The following CNTNAP2 variants were observed in gnomAD, a reference collection of about 807,000 sequenced individuals.
The protein encoded by CNTNAP2 is contactin associated protein 2, also known as contactin-associated protein-like 2.
In CNTNAP2, 98 loss-of-function variants were observed where a neutral mutation model predicts 155.2. The ratio of observed to expected loss-of-function variants is 0.63; its 90% CI spans 0.54 to 0.75. The LOEUF (loss-of-function observed/expected upper bound fraction) is 0.75, where lower values mean the gene tolerates loss of function less well. Among genes scored for constraint, CNTNAP2 ranks in the 30% least tolerant of loss-of-function variants. The probability of loss-of-function intolerance (pLI) is 0.00; values close to 1 mark genes in which losing one functional copy is unlikely to be tolerated. For missense variants in CNTNAP2, 1,727 were observed against 1,688.1 expected (o/e 1.02, Z -0.40); for synonymous variants, 651 against 631.2 (o/e 1.03, Z -0.47).
chr7:147,305,860 G>C lies in CNTNAP2; in HGVS notation c.1498+5570G>C, dbSNP rs1332658281. On this transcript the variant is annotated intron_variant, in intron 9 of 23. Coordinates refer to ENST00000361727, the MANE Select transcript of CNTNAP2 (RefSeq NM_014141.6). ...GATCCTGAGGTGTCTGAAGGCCCCA[G>C]GGGAGGATCCTTCAACTCCTCTGGC... Among the ~76,000 whole-genome samples the C allele has an allele frequency of 2.0e-5, 3 of 152,250 alleles. No individual in the cohort carries two copies. In the South Asian group the frequency reaches 6.2e-4, roughly 32 times the overall value.
intron 22 of CNTNAP2, among the ~76,000 whole-genome samples, chr7:148,395,097 T>C (rs1279052161): frequency 6.6e-6 from 1 of 151,874 alleles, no homozygotes; most frequent in Non-Finnish European, 1.5e-5. Context: ...TTTCGTGTTT[T>C]TTATATTGAA....
At chr7:146,359,552 C>G (rs777296681) in intron 1 of CNTNAP2, among the ~76,000 whole-genome samples, 5 of 152,194 alleles carry the variant, frequency 3.3e-5, no homozygotes, top group Non-Finnish European at 5.9e-5. Flanking sequence ...TGCCGCTGCT[C>G]TTCACTCCAA....
chr7:147,340,522 T>G (rs1020622333), intron 9 of CNTNAP2, among the ~76,000 whole-genome samples: 5 of 152,098 alleles, frequency 3.3e-5, no homozygotes, highest in Admixed American at 2.6e-4. Flanking sequence ...ACTAAGCAAT[T>G]TATCTTGGTC....
chr7:146,398,035 G>A (rs1210068499), intron 1 of CNTNAP2, among the ~76,000 whole-genome samples: 1 of 151,750 alleles, frequency 6.6e-6, no homozygotes, highest in South Asian at 2.1e-4. Flanking sequence ...CACCACACCT[G>A]ACTAATTTTT....
intron 8 of CNTNAP2, among the ~76,000 whole-genome samples, chr7:147,259,339 G>A (rs994456428): frequency 2.0e-5 from 3 of 151,962 alleles, no homozygotes; most frequent in African/African-American, 7.3e-5. Context: ...TCAAAGCTCT[G>A]GAATGTATTA....
chr7:146,448,310 A>G (rs1045036391), intron 1 of CNTNAP2, among the ~76,000 whole-genome samples: 6 of 152,032 alleles, frequency 3.9e-5, no homozygotes, highest in Admixed American at 1.3e-4. Context: ...TAAAGTGGCT[A>G]CTACAATTGG....
chr7:147,500,473 G>T (rs1475428165), intron 11 of CNTNAP2, among the ~76,000 whole-genome samples: 1 of 151,812 alleles, frequency 6.6e-6, no homozygotes, highest in African/African-American at 2.4e-5. Flanking sequence ...CTATTGTATT[G>T]ACATAAGCTC....
chr7:147,617,537 A>G (rs944621697), intron 12 of CNTNAP2, among the ~76,000 whole-genome samples: 3 of 152,154 alleles, frequency 2.0e-5, no homozygotes, highest in Admixed American at 6.6e-5. Flanking sequence ...CTAAAATAGT[A>G]TCTGCATATT....
At chr7:146,646,423 A>T (rs749087393) in intron 1 of CNTNAP2, among the ~76,000 whole-genome samples, 4 of 152,212 alleles carry the variant, frequency 2.6e-5, no homozygotes, top group African/African-American at 4.8e-5. Context: ...GGGTTCAGGT[A>T]TAAATAAATC....
At chr7:148,394,078 C>G (rs906451190) in intron 22 of CNTNAP2, among the ~76,000 whole-genome samples, 9 of 151,604 alleles carry the variant, frequency 5.9e-5, no homozygotes, top group African/African-American at 2.2e-4. Flanking sequence ...TGTTTTATGG[C>G]TTTTGGGTTT....
At chr7:146,531,405 GA>G (rs1797767576) in intron 1 of CNTNAP2, among the ~76,000 whole-genome samples, 1 of 151,986 alleles carries the variant, frequency 6.6e-6, no homozygotes, top group Non-Finnish European at 1.5e-5. Flanking sequence ...TCTTCCAAAG[GA>G]AACCTATGGA....
chr7:148,194,728 T>C (rs1389232548), intron 18 of CNTNAP2, among the ~76,000 whole-genome samples: 3 of 152,036 alleles, frequency 2.0e-5, no homozygotes, highest in Admixed American at 1.3e-4. Context: ...TCCCAGGGCA[T>C]GAGAAGAAGG....
intron 21 of CNTNAP2, among the ~76,000 whole-genome samples, chr7:148,381,870 GC>G (rs55654360): frequency 0.28 from 42,892 of 152,104 alleles, 7,128 homozygotes; most frequent in African/African-American, 0.46. Flanking sequence ...CTGCACATTG[GC>G]CCCCCCCCAG....
In CNTNAP2 at chr7:146,501,170, A is replaced by G. The variant is rs531683070; in HGVS notation, c.98-273101A>G. On this transcript the variant is annotated intron_variant, in intron 1 of 23. Transcript: ENST00000361727. ...ACATACATATTAATAAGAAATATTG[A>G]TTTATAGTTTTTTCTGTGATGCCTT... Among the ~76,000 whole-genome samples the G allele has an allele frequency of 5.9e-5, 9 of 152,160 alleles. No individual in the cohort carries two copies. In the South Asian group the frequency reaches 1.7e-3, roughly 28 times the overall value.
chr7:146,362,230 C>T (rs989281952), intron 1 of CNTNAP2, among the ~76,000 whole-genome samples: 21 of 152,110 alleles, frequency 1.4e-4, no homozygotes, highest in Non-Finnish European at 2.1e-4. Flanking sequence ...TGATGCACTA[C>T]ACGGTGAAAA....
At chr7:147,269,387 A>G (rs982214754) in intron 8 of CNTNAP2, among the ~76,000 whole-genome samples, 1 of 152,182 alleles carries the variant, frequency 6.6e-6, no homozygotes, top group African/African-American at 2.4e-5. Context: ...TCACCCACTC[A>G]ACATAACCAT....
chr7:146,371,951 T>A (rs1453722059), intron 1 of CNTNAP2, among the ~76,000 whole-genome samples: 1 of 139,996 alleles, frequency 7.1e-6, no homozygotes, highest in African/African-American at 3.0e-5. Flanking sequence ...AGAGTGAAAC[T>A]CCATCTCAAA....
intron 13 of CNTNAP2, among the ~76,000 whole-genome samples, chr7:147,816,353 G>A (rs1798266202): frequency 6.6e-6 from 1 of 152,140 alleles, no homozygotes; most frequent in African/African-American, 2.4e-5. Flanking sequence ...AGGTAGCAAA[G>A]ACGGGTATGT....
intron 20 of CNTNAP2, among the ~76,000 whole-genome samples, chr7:148,247,655 A>AT (rs1444152586): frequency 2.0e-4 from 25 of 128,044 alleles, no homozygotes; most frequent in African/African-American, 4.0e-4. Flanking sequence ...TTATTTATTT[A>AT]TTTATTTATT....
Sources: gnomAD v4.1 joint callset for allele counts (sites outside exome capture counted in the v4.1 genomes callset) on GRCh38, gnomAD v4.1.1 for gene constraint, MANE v1.5 for transcripts, NCBI Gene and HGNC (gene_info 2026-07-23, HGNC 2026-07-21) for gene names.